Variants in WDR89 observed in about 807,000 individuals in gnomAD.
WDR89 encodes WD repeat domain 89.
Under a neutral mutation model 29.1 loss-of-function variants are expected in WDR89, and 17 were observed. The observed-to-expected ratio is 0.58, with a 90% CI of 0.40 to 0.88. WDR89 has a LOEUF of 0.88. Ranked by LOEUF, WDR89 falls within the 40% of genes least tolerant of loss-of-function variation. The probability of loss-of-function intolerance (pLI) is 0.00; values close to 1 mark genes in which losing one functional copy is unlikely to be tolerated. For synonymous variants in WDR89, 138 were observed against 157.8 expected (o/e 0.87, Z 0.94); for missense variants, 396 against 456.3 (o/e 0.87, Z 1.20).
Position 63,641,799 on chromosome 14 carries a change from T to C in WDR89, c.-138+5A>G, listed in dbSNP as rs1262910911. The C allele has an allele frequency of 3.3e-5, 5 of 152,432 alleles. No homozygotes were observed. The highest frequency in any genetic ancestry group is 5.9e-5 in the Non-Finnish European group (4 of 68,254). The allele number at this position is 152,432 out of a possible 1,614,324, so 9.4% of individuals were successfully genotyped here. A position where few individuals can be genotyped will look rare whatever the true frequency, so the allele number is the denominator to read the frequency against. Reference sequence around the variant, plus strand: ...ACCCGCCCAGCCTGGCCCAGCAAAATGTACCTTAGTAGCCTCAACCTGTAC... The same window carrying C: ...ACCCGCCCAGCCTGGCCCAGCAAAACGTACCTTAGTAGCCTCAACCTGTAC... On this transcript the variant is annotated splice_donor_5th_base_variant and intron_variant, in intron 1 of 2. Coordinates refer to ENST00000620954, the MANE Select transcript of WDR89 (RefSeq NM_080666.4).
At chr14:63,630,775 T>C (rs1333454976) in intron 1 of WDR89, 1 of 151,754 alleles carries the variant, frequency 6.6e-6, no homozygotes, top group Non-Finnish European at 1.5e-5. Flanking sequence ...AAGTATTCCA[T>C]ATTTTTAAAT....
chr14:63,638,592 T>C (rs1883898084), intron 1 of WDR89, among the ~76,000 whole-genome samples: 1 of 152,198 alleles, frequency 6.6e-6, no homozygotes, highest in Admixed American at 6.5e-5. Context: ...CAAAGAAATT[T>C]TACTCTTCTA....
intron 1 of WDR89, among the ~76,000 whole-genome samples, chr14:63,641,097 C>CAAAAAAAA (rs57478091): frequency 7.8e-5 from 5 of 64,144 alleles, no homozygotes; most frequent in Non-Finnish European, 1.8e-4. Flanking sequence ...GACTCCATCT[C>CAAAAAAAA]AAAAAAAAAA....
At chr14:63,610,016 A>C (rs933316804) in intron 2 of WDR89, among the ~76,000 whole-genome samples, 1 of 151,832 alleles carries the variant, frequency 6.6e-6, no homozygotes, top group African/African-American at 2.4e-5. Context: ...AAGACATAGG[A>C]GCCAAGAACT....
At chr14:63,627,238 G>C (rs1883133471) in intron 1 of WDR89, among the ~76,000 whole-genome samples, 1 of 148,376 alleles carries the variant, frequency 6.7e-6, no homozygotes. Flanking sequence ...AATAAAACTA[G>C]AAGTATGTGT....
chr14:63,609,489 C>T (rs997820523), intron 2 of WDR89, among the ~76,000 whole-genome samples: 1 of 152,128 alleles, frequency 6.6e-6, no homozygotes, highest in African/African-American at 2.4e-5. Context: ...ATGAAAAATA[C>T]ACCTCTAAAG....
rs140159540 is a variant in WDR89 at position 63,599,686 on chromosome 14, T to A, written c.257A>T (p.Tyr86Phe). The A allele has an allele frequency of 2.5e-6, 4 of 1,614,230 alleles. No homozygotes were observed. In the East Asian group the frequency reaches 8.9e-5, roughly 36 times the overall value. ...CACAGTGCCATCAGTACATGCTGAA[T>A]ATACACTGTCACAGGAATTTGCAAA... ...VRFANSCDSV[Y>F]SACTDGTVKC... The change falls in exon 3 of 3, where the codon TAT (tyrosine) becomes TTT (phenylalanine). Residue 86 changes from tyrosine to phenylalanine, a missense_variant. By Grantham distance (22) the Tyr-to-Phe change is conservative (BLOSUM62 3). Coordinates refer to ENST00000620954, the MANE Select transcript of WDR89 (RefSeq NM_080666.4).
At chr14:63,615,350 T>C (rs1882236786) in intron 2 of WDR89, among the ~76,000 whole-genome samples, 1 of 152,212 alleles carries the variant, frequency 6.6e-6, no homozygotes, top group Admixed American at 6.5e-5. Flanking sequence ...TTTGGAACAG[T>C]TAGAAGCAAT....
chr14:63,605,852 C>T (rs1895298595), intron 2 of WDR89, among the ~76,000 whole-genome samples: 1 of 152,134 alleles, frequency 6.6e-6, no homozygotes, highest in Non-Finnish European at 1.5e-5. Flanking sequence ...TCCTTCAAAG[C>T]GTATTCCAGA....
intron 2 of WDR89, among the ~76,000 whole-genome samples, chr14:63,624,513 A>T (rs890891429): frequency 2.9e-5 from 3 of 102,774 alleles, no homozygotes; most frequent in African/African-American, 1.0e-4. Flanking sequence ...GAAATATTTA[A>T]AAAAAAAAAA....
At chr14:63,606,613 AT>A (rs2139502924) in intron 2 of WDR89, among the ~76,000 whole-genome samples, 1 of 152,284 alleles carries the variant, frequency 6.6e-6, no homozygotes, top group South Asian at 2.1e-4. Context: ...AGGCTATACT[AT>A]CTAGGTTGGG....
chr14:63,598,192 T>C lies in WDR89; in HGVS notation c.*587A>G, dbSNP rs1028286946. On this transcript the variant is annotated 3_prime_UTR_variant, in exon 3 of 3. Coordinates refer to ENST00000620954, the MANE Select transcript of WDR89 (RefSeq NM_080666.4). ...TTCAATCAGCAAAACACCTGTTTAC[T>C]ACTTACTAACAATATTAAAGATGCA... 1 of 152,222 alleles carries C rather than the reference T, an allele frequency of 6.6e-6. No homozygotes were observed. Among genetic ancestry groups the C allele is most frequent in the South Asian group, 2.1e-4 (1 of 4,834 alleles). 9.4% of individuals were successfully genotyped at this position (152,222 alleles called of 1,614,324 possible). A position where few individuals can be genotyped will look rare whatever the true frequency, so the allele number is the denominator to read the frequency against.
intron 2 of WDR89, among the ~76,000 whole-genome samples, chr14:63,612,382 G>A (rs1202570884): frequency 2.0e-5 from 3 of 150,328 alleles, no homozygotes; most frequent in Admixed American, 6.7e-5. Flanking sequence ...CTAGAGTGTA[G>A]TGGTGGGATC....
intron 2 of WDR89, among the ~76,000 whole-genome samples, chr14:63,613,741 C>A (rs1306049524): frequency 1.3e-5 from 2 of 151,884 alleles, no homozygotes; most frequent in East Asian, 1.9e-4. Flanking sequence ...ACCTTGTGAT[C>A]CACCCACCTT....
chr14:63,606,225 G>A (rs112599792), intron 2 of WDR89, among the ~76,000 whole-genome samples: 4,461 of 152,186 alleles, frequency 0.029, 240 homozygotes, highest in African/African-American at 0.1. Context: ...TGAGATTACA[G>A]GCATGAGCCA....
At chr14:63,608,841 C>G (rs990830216) in intron 2 of WDR89, among the ~76,000 whole-genome samples, 2 of 152,122 alleles carry the variant, frequency 1.3e-5, no homozygotes, top group African/African-American at 4.8e-5. Context: ...CGGTGGCTCA[C>G]GCCTATAATC....
Position 63,599,828 on chromosome 14 carries a change from T to C in WDR89, c.115A>G (p.Lys39Glu). The change falls in exon 3 of 3, where the codon AAG becomes GAG. Residue 39 changes from lysine to glutamate, a missense_variant. Lys to Glu is a moderately conservative substitution (Grantham distance 56). Transcript: ENST00000620954. Reference protein sequence around the residue: ...IDTSKTVQAGKENLVAVLCSN... With the variant: ...IDTSKTVQAGEENLVAVLCSN... ...CATAAAACAGCAACCAAGTTTTCCTTTCCTGCTTGGACAGTCTTTGATGTG... is the reference window on the plus strand; with the variant it reads ...CATAAAACAGCAACCAAGTTTTCCTCTCCTGCTTGGACAGTCTTTGATGTG... The C allele has an allele frequency of 6.2e-7, 1 of 1,614,192 alleles. No individual in the cohort carries two copies. Among genetic ancestry groups the C allele is most frequent in the Non-Finnish European group, 8.5e-7 (1 of 1,180,034 alleles).
In WDR89 at chr14:63,599,785, C is replaced by G. The variant is rs753521763; in HGVS notation, c.158G>C (p.Arg53Thr). 3 of 1,614,030 alleles carry G rather than the reference C, an allele frequency of 1.9e-6. No individual in the cohort carries two copies. Among genetic ancestry groups the G allele is most frequent in the Non-Finnish European group, 8.5e-7 (1 of 1,180,032 alleles). ...VAVLCSNGSI[R>T]IYDKERLNVL... ...ATTTAACCTTTCTTTATCATATATT[C>G]TGATTGATCCATTAGAACATAAAAC... The change falls in exon 3 of 3, where the codon AGA (arginine) becomes ACA (threonine). Residue 53 changes from arginine to threonine, a missense_variant. Physicochemically the swap from Arg to Thr is moderately conservative, Grantham distance 71 (BLOSUM62 -1). Coordinates refer to ENST00000620954, the MANE Select transcript of WDR89 (RefSeq NM_080666.4).
At chr14:63,601,241 G>A (rs1204852343) in intron 2 of WDR89, among the ~76,000 whole-genome samples, 3 of 151,812 alleles carry the variant, frequency 2.0e-5, no homozygotes, top group African/African-American at 7.3e-5. Flanking sequence ...GCAGCAATAG[G>A]AAACGAATAC....
Sources: allele counts gnomAD v4.1 joint callset (sites outside exome capture counted in the v4.1 genomes callset), GRCh38; gene constraint gnomAD v4.1.1; transcripts MANE v1.5; gene names NCBI Gene and HGNC (gene_info 2026-07-23, HGNC 2026-07-21).